ZBED4: variants seen among roughly 807,000 people sequenced by gnomAD.
ZBED4 encodes the protein zinc finger BED domain-containing protein 4.
ZBED4 carries 4 observed loss-of-function variants against 15.5 expected under a neutral mutation model. The observed-to-expected ratio is 0.26, with a 90% CI of 0.13 to 0.59. The LOEUF (loss-of-function observed/expected upper bound fraction) is 0.59. ZBED4 is among the 20% of genes least tolerant of loss of function. The pLI is 0.90. For synonymous variants in ZBED4, 692 were observed against 608.5 expected (o/e 1.14, Z -2.02); for missense variants, 1,323 against 1,461.8 (o/e 0.91, Z 1.55).
intron 1 of ZBED4, among the ~76,000 whole-genome samples, chr22:49,857,800 A>G (rs2060280704): frequency 6.6e-6 from 1 of 152,228 alleles, no homozygotes; most frequent in Non-Finnish European, 1.5e-5. Context: ...TCTGTCACCC[A>G]GGCTGGAGTG....
In ZBED4 at chr22:49,888,033, G is replaced by A. The variant is rs544991243; in HGVS notation, c.*855G>A. On this transcript the variant is annotated 3_prime_UTR_variant, in exon 2 of 2. Transcript: ENST00000216268. ...TCAAAATGTGTGCACTGACCCCCTT[G>A]TTTGATCAAATTTGTGTAAAATTTT... The A allele has an allele frequency of 6.0e-6, 1 of 167,224 alleles. No individual in the cohort carries two copies. The highest frequency in any genetic ancestry group is 1.5e-5 in the Non-Finnish European group (1 of 68,112). 10.4% of individuals were successfully genotyped at this position (167,224 alleles called of 1,614,324 possible).
intron 1 of ZBED4, among the ~76,000 whole-genome samples, chr22:49,861,811 G>A (rs9628158): frequency 0.038 from 5,752 of 152,274 alleles, 372 homozygotes; most frequent in African/African-American, 0.13. Flanking sequence ...ATCCTTTGCC[G>A]TGGGATGCCG....
chr22:49,887,139 T>G lies in ZBED4; in HGVS notation c.3477T>G (p.Phe1159Leu). 6.2e-7 allele frequency: 1 copy of G among 1,613,378 alleles called. No individual in the cohort carries two copies. The highest frequency in any genetic ancestry group is 8.5e-7 in the Non-Finnish European group (1 of 1,179,696). The stretch of plus-strand genomic sequence containing the variant: ...TGGAACATTTTGAAAAACTTATCTT[T>G]TTGAAAGTGAATCTTCCCTTAATAT... Reference protein sequence around the residue: ...LMMEHFEKLIFLKVNLPLIYF... With the variant: ...LMMEHFEKLILLKVNLPLIYF... The change falls in exon 2 of 2, where the codon TTT (phenylalanine) becomes TTG (leucine). Residue 1159 changes from phenylalanine to leucine, a missense_variant. Coordinates refer to ENST00000216268, the MANE Select transcript of ZBED4 (RefSeq NM_014838.3).
intron 1 of ZBED4, among the ~76,000 whole-genome samples, chr22:49,879,982 C>T (rs1432802195): frequency 2.7e-5 from 4 of 150,902 alleles, no homozygotes; most frequent in Non-Finnish European, 4.4e-5. Flanking sequence ...GGTTTTCTCC[C>T]GCTTCATCGC....
rs761257352 is a variant in ZBED4 at position 49,886,559 on chromosome 22, G to C, written c.2897G>C (p.Arg966Thr). 9.0e-6 allele frequency: 14 copies of C among 1,558,894 alleles called. No individual in the cohort carries two copies. Among genetic ancestry groups the C allele is most frequent in the Admixed American group, 3.7e-5 (2 of 53,348 alleles). The change falls in exon 2 of 2, where the codon AGG becomes ACG. Residue 966 changes from arginine to threonine, a missense_variant. Arg to Thr is a moderately conservative substitution (Grantham distance 71). Transcript: ENST00000216268. This position sits in a 1 kb window ranked among gnomAD's most constrained non-coding sequence, Gnocchi z 7.7. ...ATCCCCATGGTACACATCCTCAACA[G>C]GAAGGTGGAGATGCTCTTCGAGGAG... is the stretch of plus-strand genomic sequence containing the variant. ...QVIPMVHILN[R>T]KVEMLFEETM...
chr22:49,884,353 T>C lies in ZBED4; in HGVS notation c.691T>C (p.Ser231Pro), dbSNP rs1419445458. The part of the protein sequence containing the change: ...RITEESVSVV[S>P]SEEISSDMSV... ...AACAGAGGAGTCTGTGTCTGTAGTT[T>C]CTTCTGAAGAAATCTCCTCTGACAT... Residue 231 changes from serine to proline, a missense_variant, in exon 2 of 2, where the codon TCT becomes CCT. Ser to Pro is a moderately conservative substitution (Grantham distance 74). Around this residue, in one of 6 missense-constraint regions of ZBED4, gnomAD observed 380 missense variants for 413.7 expected, o/e 0.92. Coordinates refer to ENST00000216268, the MANE Select transcript of ZBED4 (RefSeq NM_014838.3). 1 of 1,613,222 alleles carries C rather than the reference T, an allele frequency of 6.2e-7. No homozygotes were observed. The highest frequency in any genetic ancestry group is 1.7e-5 in the Admixed American group (1 of 59,728).
At chr22:49,869,489 G>A (rs563824065) in intron 1 of ZBED4, among the ~76,000 whole-genome samples, 11 of 152,276 alleles carry the variant, frequency 7.2e-5, no homozygotes, top group Admixed American at 7.2e-4. Flanking sequence ...TTTGTCTGAT[G>A]GTGTTTTTTA....
Position 49,885,982 on chromosome 22 carries a change from C to A in ZBED4, c.2320C>A (p.Gln774Lys). Residue 774 changes from glutamine (Q) to lysine (K), a missense_variant, in exon 2 of 2, where the codon CAG (glutamine) becomes AAG (lysine). By Grantham distance (53) the Gln-to-Lys change is moderately conservative (BLOSUM62 1). Coordinates refer to ENST00000216268, the MANE Select transcript of ZBED4 (RefSeq NM_014838.3). ...CTGCTCGGCGCTGTTGGACGTGTCG[C>A]AGGTGGACTGCGACTACAGTGGCAA... ...HHCSALLDVS[Q>K]VDCDYSGNSI... is the part of the protein sequence containing the mutation. 1 of 700,758 alleles carries A rather than the reference C, an allele frequency of 1.4e-6. No individual in the cohort carries two copies. The highest frequency in any genetic ancestry group is 2.6e-6 in the Non-Finnish European group (1 of 384,414). 43.4% of individuals were successfully genotyped at this position (700,758 alleles called of 1,614,324 possible). A position where few individuals can be genotyped will look rare whatever the true frequency, so the allele number is the denominator to read the frequency against.
chr22:49,863,784 G>A (rs1428523062), intron 1 of ZBED4, among the ~76,000 whole-genome samples: 2 of 152,166 alleles, frequency 1.3e-5, no homozygotes, highest in East Asian at 1.9e-4. Context: ...AAATTCATCA[G>A]TTTTCACAAT....
In ZBED4 at chr22:49,887,752, T is replaced by C. The variant is rs1215444071; in HGVS notation, c.*574T>C. ...TGTTTACTACGACAGAGACGTGGCA[T>C]TTGGAAACGAAACTTAGATGTTTCA... On this transcript the variant is annotated 3_prime_UTR_variant, in exon 2 of 2. Coordinates refer to ENST00000216268, the MANE Select transcript of ZBED4 (RefSeq NM_014838.3). 6.0e-6 allele frequency: 1 copy of C among 167,248 alleles called. No individual in the cohort carries two copies. The highest frequency in any genetic ancestry group is 2.4e-5 in the African/African-American group (1 of 41,446). 10.4% of individuals were successfully genotyped at this position (167,248 alleles called of 1,614,324 possible). A position where few individuals can be genotyped will look rare whatever the true frequency, so the allele number is the denominator to read the frequency against.
chr22:49,887,001 G>A lies in ZBED4; in HGVS notation c.3339G>A (p.Gly1113=). The A allele has an allele frequency of 6.2e-7, 1 of 1,614,090 alleles. No homozygotes were observed. Among genetic ancestry groups the A allele is most frequent in the Non-Finnish European group, 8.5e-7 (1 of 1,180,042 alleles). ...YWNLKKASWP[G]LSALAVRFLG... ...ACCTGAAGAAGGCGTCCTGGCCGGG[G>A]CTGTCCGCGCTGGCCGTCAGATTTT... is the stretch of plus-strand genomic sequence containing the variant. Residue 1113 remains glycine (G), a synonymous_variant, in exon 2 of 2, where the codon GGG becomes GGA. Coordinates refer to ENST00000216268, the MANE Select transcript of ZBED4 (RefSeq NM_014838.3).
chr22:49,856,517 A>G (rs972948160), intron 1 of ZBED4, among the ~76,000 whole-genome samples: 5 of 152,234 alleles, frequency 3.3e-5, no homozygotes, highest in African/African-American at 1.2e-4. Context: ...GCCTCACGGC[A>G]TCCCAGTGCG....
intron 1 of ZBED4, among the ~76,000 whole-genome samples, chr22:49,858,844 G>A (rs2060285614): frequency 6.6e-6 from 1 of 152,186 alleles, no homozygotes; most frequent in Non-Finnish European, 1.5e-5. Flanking sequence ...CACAGTGGCT[G>A]TGAGGTCTCT....
chr22:49,869,253 G>A (rs536457651), intron 1 of ZBED4, among the ~76,000 whole-genome samples: 1 of 152,302 alleles, frequency 6.6e-6, no homozygotes, highest in South Asian at 2.1e-4. Context: ...CATGCATGTT[G>A]GTGTGTGTGT....
At chr22:49,869,624 C>G (rs953027733) in intron 1 of ZBED4, among the ~76,000 whole-genome samples, 3 of 152,264 alleles carry the variant, frequency 2.0e-5, no homozygotes, top group Admixed American at 1.3e-4. Context: ...CTTAAAAAGT[C>G]AGCAGTGTAT....
At chr22:49,869,848 T>C (rs144152572) in intron 1 of ZBED4, among the ~76,000 whole-genome samples, 2 of 152,330 alleles carry the variant, frequency 1.3e-5, no homozygotes, top group African/African-American at 2.4e-5. Flanking sequence ...ATCAGGCACA[T>C]GTGCAGGTTC....
At chr22:49,874,915 TC>T (rs1034935537) in intron 1 of ZBED4, among the ~76,000 whole-genome samples, 5 of 151,944 alleles carry the variant, frequency 3.3e-5, no homozygotes, top group Non-Finnish European at 7.4e-5. Context: ...ATGCCTGACC[TC>T]AGGTGATCTG....
In ZBED4 at chr22:49,864,793, CTGAGCGCCAGAG is replaced by C. The variant is rs1166581400; in HGVS notation, c.-330+10809_-330+10820del. Among the ~76,000 whole-genome samples, 36 of 128,454 alleles carry C rather than the reference CTGAGCGCCAGAG, an allele frequency of 2.8e-4. 1 individual carries two copies. The Middle Eastern group carries it at 0.026, about 91-fold the overall frequency. The allele number at this position is 128,454 out of a possible 152,430, so 84.3% of individuals were successfully genotyped here. ...CTGAGATTGTGTACTGCACTCCAGC[CTGAGCGCCAGAG>C]TGAGACCCTGTCTCCAAAAAAAAAA... is the stretch of plus-strand genomic sequence containing the variant. On this transcript the variant is annotated intron_variant, in intron 1 of 1. Coordinates refer to ENST00000216268, the MANE Select transcript of ZBED4 (RefSeq NM_014838.3).
intron 1 of ZBED4, among the ~76,000 whole-genome samples, chr22:49,855,238 C>G (rs1175090480): frequency 6.6e-6 from 1 of 152,116 alleles, no homozygotes; most frequent in African/African-American, 2.4e-5. Context: ...TTCTGTGAAT[C>G]TTGAAAAAGC....
Sources: allele counts gnomAD v4.1 joint callset (sites outside exome capture counted in the v4.1 genomes callset), GRCh38; gene constraint gnomAD v4.1.1; regional missense constraint gnomAD v4.1.1; non-coding constraint Gnocchi (gnomAD v3.1); transcripts MANE v1.5; gene names NCBI Gene and HGNC (gene_info 2026-07-23, HGNC 2026-07-21).